The following CFAP61 variants were observed in gnomAD, a reference collection of about 807,000 sequenced individuals.
CFAP61 encodes the protein cilia and flagella associated protein 61, also known as cilia- and flagella-associated protein 61.
Under a neutral mutation model 135.6 loss-of-function variants are expected in CFAP61, and 107 were observed. That is an observed-to-expected ratio of 0.79 (90% confidence interval 0.67 to 0.93). The LOEUF is 0.93. CFAP61 is among the 40% of genes least tolerant of loss of function. The pLI, the probability that CFAP61 is intolerant of heterozygous loss-of-function variation, is 0.00. For synonymous variants in CFAP61, 575 were observed against 578.5 expected (o/e 0.99, Z 0.09); for missense variants, 1,507 against 1,556.2 (o/e 0.97, Z 0.53).
intron 6 of CFAP61, among the ~76,000 whole-genome samples, chr20:20,081,180 TAA>T (rs1352820555): frequency 1.3e-5 from 2 of 152,202 alleles, no homozygotes; most frequent in African/African-American, 4.8e-5. Flanking sequence ...ACCAGATGAT[TAA>T]ACATGTTCCT....
At chr20:20,264,896 A>T (rs554576144) in intron 21 of CFAP61, among the ~76,000 whole-genome samples, 16 of 151,926 alleles carry the variant, frequency 1.1e-4, no homozygotes, top group African/African-American at 2.4e-4. Flanking sequence ...TATCTTAAAA[A>T]TTTTTTTTCT....
intron 17 of CFAP61, among the ~76,000 whole-genome samples, chr20:20,210,631 A>G (rs910099672): frequency 6.6e-6 from 1 of 152,176 alleles, no homozygotes; most frequent in East Asian, 1.9e-4. Flanking sequence ...CACATGAAAC[A>G]CAGACCACGA....
Position 20,304,303 on chromosome 20 carries a change from TGAGA to T in CFAP61, c.3422+5940_3422+5943del, listed in dbSNP as rs112391087. 9.7e-3 allele frequency among the ~76,000 whole-genome samples: 1,433 copies of T among 147,480 alleles called. 27 individuals are homozygous for T. Among genetic ancestry groups the T allele is most frequent in the African/African-American group, 0.035 (1,340 of 38,764 alleles). On this transcript the variant is annotated intron_variant, in intron 25 of 26. Transcript: ENST00000245957. ...GTGTGTGTGTGTGTGTGTGTGTGTG[TGAGA>T]GAGAGAGAGAGAGAGAGAGAGAATT...
chr20:20,188,076 A>G lies in CFAP61; in HGVS notation c.1512+20A>G. 6.2e-7 allele frequency: 1 copy of G among 1,613,646 alleles called. No homozygotes were observed. On this transcript the variant is annotated intron_variant, in intron 14 of 26. Coordinates refer to ENST00000245957, the MANE Select transcript of CFAP61 (RefSeq NM_015585.4). The stretch of plus-strand genomic sequence containing the variant: ...GACCCTGTAAGTACCTGTTGTGACC[A>G]GACCTCAGGATATGGGACCATTATG...
At chr20:20,070,767 T>G in intron 2 of CFAP61, 87 bp from the exon 3 acceptor site, 1 of 1,229,444 alleles carries the variant, frequency 8.1e-7, no homozygotes, top group East Asian at 2.4e-5. Flanking sequence ...GCTGCTGAGC[T>G]CCAGTAGCCA....
At chr20:20,067,706 AT>A (rs2045390030) in intron 2 of CFAP61, among the ~76,000 whole-genome samples, 1 of 145,148 alleles carries the variant, frequency 6.9e-6, no homozygotes, top group Admixed American at 7.0e-5. Context: ...ATATATTCAT[AT>A]TTTATATATA....
At chr20:20,128,704 C>T (rs1002633327) in intron 8 of CFAP61, among the ~76,000 whole-genome samples, 12 of 151,680 alleles carry the variant, frequency 7.9e-5, no homozygotes, top group African/African-American at 2.9e-4. Context: ...GTCCTGCCTC[C>T]CGTCCGCCAT....
intron 21 of CFAP61, among the ~76,000 whole-genome samples, chr20:20,266,098 GCCT>G (rs2052719336): frequency 6.6e-6 from 1 of 152,210 alleles, no homozygotes; most frequent in Non-Finnish European, 1.5e-5. Context: ...TCGAGGTAGA[GCCT>G]CCTAAATAAA....
intron 13 of CFAP61, chr20:20,172,049 G>A (rs1401215152): frequency 7.6e-6 from 3 of 395,408 alleles, no homozygotes; most frequent in East Asian, 8.5e-5. Context: ...AGCTGCAAGG[G>A]AGCCTGGAAG....
intron 22 of CFAP61, among the ~76,000 whole-genome samples, chr20:20,281,431 A>G (rs1445398027): frequency 6.6e-6 from 1 of 151,908 alleles, no homozygotes; most frequent in African/African-American, 2.4e-5. Context: ...TTCCATTCCT[A>G]GTTTGTTTAG....
chr20:20,058,845 C>T (rs996768932), intron 2 of CFAP61, among the ~76,000 whole-genome samples: 1 of 152,108 alleles, frequency 6.6e-6, no homozygotes, highest in Non-Finnish European at 1.5e-5. Context: ...ATAATAACCC[C>T]AGATAAAGTT....
chr20:20,264,007 C>T (rs895264221), intron 21 of CFAP61, among the ~76,000 whole-genome samples: 3 of 152,152 alleles, frequency 2.0e-5, no homozygotes, highest in African/African-American at 2.4e-5. Flanking sequence ...TTTGTTAATA[C>T]ATTAAAATTA....
intron 18 of CFAP61, among the ~76,000 whole-genome samples, chr20:20,235,497 T>C (rs540271651): frequency 6.6e-6 from 1 of 152,174 alleles, no homozygotes; most frequent in African/African-American, 2.4e-5. Context: ...ACCAGGCCGA[T>C]GTGGTGTTTA....
chr20:20,338,375 G>C (rs2058318257), intron 25 of CFAP61, among the ~76,000 whole-genome samples: 1 of 152,162 alleles, frequency 6.6e-6, no homozygotes, highest in African/African-American at 2.4e-5. Context: ...AGGCGTGAGT[G>C]TCAGCTGGGG....
In CFAP61 at chr20:20,149,934, G is replaced by A. The variant is rs148576390; in HGVS notation, c.951+6986G>A. ...GTGTGGGGAGATGAGGAGGGGCATG[G>A]CCTGAAAGCCATACTTGCTTCTTCA... is the stretch of plus-strand genomic sequence containing the variant. On this transcript the variant is annotated intron_variant, in intron 9 of 26. Transcript: ENST00000245957. 1.2e-3 allele frequency among the ~76,000 whole-genome samples: 182 copies of A among 152,312 alleles called. 1 individual carries two copies. Among genetic ancestry groups the A allele is most frequent in the Middle Eastern group, 3.4e-3 (1 of 294 alleles).
chr20:20,263,519 T>C (rs780242795), intron 21 of CFAP61, among the ~76,000 whole-genome samples: 6 of 152,180 alleles, frequency 3.9e-5, no homozygotes, highest in Non-Finnish European at 5.9e-5. Context: ...AAGGCCTGTA[T>C]TGGAAGGGCC....
chr20:20,269,142 TATATACAC>T (rs1164138468), intron 21 of CFAP61, among the ~76,000 whole-genome samples: 5 of 85,652 alleles, frequency 5.8e-5, no homozygotes, highest in Admixed American at 2.6e-4. Context: ...TATATATATA[TATATACAC>T]ACACACACAC....
intron 8 of CFAP61, among the ~76,000 whole-genome samples, chr20:20,136,148 C>T (rs1439283759): frequency 2.6e-5 from 4 of 151,834 alleles, no homozygotes; most frequent in Admixed American, 2.6e-4. Context: ...TTTTCTCTTG[C>T]TGCTTTTAGG....
In CFAP61 at chr20:20,159,566, C is replaced by T. The variant is rs561043607; in HGVS notation, c.1026+122C>T. 5.3e-6 allele frequency: 4 copies of T among 755,680 alleles called. No individual in the cohort carries two copies. In the East Asian group the frequency reaches 1.0e-4, roughly 20 times the overall value. The allele number at this position is 755,680 out of a possible 1,614,324, so 46.8% of individuals were successfully genotyped here. A position where few individuals can be genotyped will look rare whatever the true frequency, so the allele number is the denominator to read the frequency against. On this transcript the variant is annotated intron_variant, in intron 10 of 26. Coordinates refer to ENST00000245957, the MANE Select transcript of CFAP61 (RefSeq NM_015585.4). ...CTCCCTGCCTGTCTCCACCAGTTCA[C>T]ACCTACCACCTCCTTTAGGACTTGC...
Sources: gnomAD v4.1 joint callset for allele counts (sites outside exome capture counted in the v4.1 genomes callset) on GRCh38, gnomAD v4.1.1 for gene constraint, MANE v1.5 for transcripts, NCBI Gene and HGNC (gene_info 2026-07-23, HGNC 2026-07-21) for gene names.